Variants in CYP3A43 observed in about 807,000 individuals in gnomAD.
CYP3A43 encodes the protein cytochrome P450 3A43.
CYP3A43 carries 45 observed loss-of-function variants against 58.0 expected under a neutral mutation model. The ratio of observed to expected loss-of-function variants is 0.78; its 90% CI spans 0.61 to 0.99. The LOEUF (loss-of-function observed/expected upper bound fraction) is 0.99. Ranked by LOEUF, CYP3A43 falls within the 50% of genes least tolerant of loss-of-function variation. The pLI is 0.00. For missense variants in CYP3A43, 593 were observed against 591.9 expected (o/e 1.00, Z -0.02); for synonymous variants, 191 against 201.4 (o/e 0.95, Z 0.44).
chr7:99,839,131 T>C lies in CYP3A43; in HGVS notation c.177T>C (p.Asn59=), dbSNP rs1817219061. Residue 59 remains asparagine (N), a synonymous_variant, in exon 3 of 13, where the codon AAT becomes AAC. Coordinates refer to ENST00000354829, the MANE Select transcript of CYP3A43 (RefSeq NM_057095.3). ...GTTTCTTCTGCCAGGGTCTTTGGAA[T>C]TTTGACAGAGAATGTAATGAAAAAT... ...TILFYLRGLW[N]FDRECNEKYG... is the part of the protein sequence containing the mutation. 1 of 1,614,082 alleles carries C rather than the reference T, an allele frequency of 6.2e-7. No homozygotes were observed. The highest frequency in any genetic ancestry group is 8.5e-7 in the Non-Finnish European group (1 of 1,180,040).
At position 99,836,514 on chromosome 7, in the gene CYP3A43, C is replaced by G; in HGVS notation, c.133C>G (p.Pro45Ala). The G allele has an allele frequency of 6.2e-7, 1 of 1,603,252 alleles. No individual in the cohort carries two copies. The change falls in exon 2 of 13, where the codon CCT becomes GCT. Residue 45 changes from proline to alanine, a missense_variant. Pro to Ala is a conservative substitution (Grantham distance 27). Coordinates refer to ENST00000354829, the MANE Select transcript of CYP3A43 (RefSeq NM_057095.3). Reference protein sequence around the residue: ...KLGIPGPTPLPFLGTILFYLR... With the variant: ...KLGIPGPTPLAFLGTILFYLR... ...GGGAATTCCTGGGCCAACCCCTCTGCCTTTTCTGGGAACTATTTTGTTCTA... is the reference window on the plus strand; with the variant it reads ...GGGAATTCCTGGGCCAACCCCTCTGGCTTTTCTGGGAACTATTTTGTTCTA...
chr7:99,863,575 GA>G lies in CYP3A43; in HGVS notation c.1293del (p.Arg431SerfsTer15). On this transcript the variant is annotated frameshift_variant, in exon 12 of 13. Transcript: ENST00000354829. LOFTEE classifies it high-confidence loss of function. ...AACAAGGACAGCATAGATCTTTACA[GA>G]TACATACCTTTTGGAGCTGGACCCC... ...KKNKDSIDLY[R>X]YIPFGAGPRN... is the part of the protein sequence containing the mutation. 6.2e-7 allele frequency: 1 copy of G among 1,613,788 alleles called. No individual in the cohort carries two copies. Among genetic ancestry groups the G allele is most frequent in the Non-Finnish European group, 8.5e-7 (1 of 1,179,906 alleles).
At chr7:99,858,821 T>G (rs544175351) in intron 9 of CYP3A43, among the ~76,000 whole-genome samples, 4 of 152,000 alleles carry the variant, frequency 2.6e-5, no homozygotes, top group African/African-American at 9.7e-5. Flanking sequence ...GCCTCCCGAG[T>G]AGCTGGGACT....
Position 99,836,447 on chromosome 7 carries a change from T to C in CYP3A43, c.72-6T>C. On this transcript the variant is annotated splice_region_variant and splice_polypyrimidine_tract_variant and intron_variant, in intron 1 of 12. Coordinates refer to ENST00000354829, the MANE Select transcript of CYP3A43 (RefSeq NM_057095.3). ...CTGTAACCTGGCTTTCTCTTTTATT[T>C]TATAGTTATGGGACCCATTCACATA... The C allele has an allele frequency of 6.2e-7, 1 of 1,607,982 alleles. No homozygotes were observed.
chr7:99,865,928 T>C lies in CYP3A43; in HGVS notation c.1439T>C (p.Leu480Pro). The C allele has an allele frequency of 6.4e-7, 1 of 1,564,708 alleles. No individual in the cohort carries two copies. Among genetic ancestry groups the C allele is most frequent in the Non-Finnish European group, 8.5e-7 (1 of 1,172,278 alleles). ...CAGATCCCACTGAAATTAGACAATCTACCAATTCTTCAACCAGAAAAACCT... is the reference window on the plus strand; with the variant it reads ...CAGATCCCACTGAAATTAGACAATCCACCAATTCTTCAACCAGAAAAACCT... ...ETQIPLKLDN[L>P]PILQPEKPIV... The change falls in exon 13 of 13, where the codon CTA becomes CCA. Residue 480 changes from leucine to proline, a missense_variant. Transcript: ENST00000354829.
Position 99,839,295 on chromosome 7 carries a change from C to CA in CYP3A43, c.218+124dup, listed in dbSNP as rs113024513. The CA allele has an allele frequency of 5.3e-5, 60 of 1,139,908 alleles. No individual in the cohort carries two copies. The African/African-American group carries it at 7.7e-4, about 15-fold the overall frequency. The allele number at this position is 1,139,908 out of a possible 1,614,324, so 70.6% of individuals were successfully genotyped here. A position where few individuals can be genotyped will look rare whatever the true frequency, so the allele number is the denominator to read the frequency against. On this transcript the variant is annotated intron_variant, in intron 3 of 12. Coordinates refer to ENST00000354829, the MANE Select transcript of CYP3A43 (RefSeq NM_057095.3). ...TGCTATTGTCAACCTAAGTAACAAA[C>CA]AGAGAGAGGCTATCTAAAAGAAAAA...
chr7:99,862,828 A>G (rs1399262899), intron 11 of CYP3A43, among the ~76,000 whole-genome samples: 1 of 152,132 alleles, frequency 6.6e-6, no homozygotes, highest in Admixed American at 6.6e-5. Flanking sequence ...GCAAGTCAGA[A>G]TTGACCAATT....
intron 2 of CYP3A43, among the ~76,000 whole-genome samples, chr7:99,837,865 G>C (rs1236511533): frequency 6.6e-6 from 1 of 152,218 alleles, no homozygotes; most frequent in African/African-American, 2.4e-5. Context: ...CAGTAAGAAA[G>C]CCTGTGTACA....
intron 1 of CYP3A43, among the ~76,000 whole-genome samples, chr7:99,833,570 T>C (rs1037664029): frequency 1.3e-5 from 2 of 152,222 alleles, no homozygotes; most frequent in African/African-American, 4.8e-5. Context: ...TTTAAAAGAC[T>C]CCAGCTCTTT....
chr7:99,828,902 A>C (rs1816729379), intron 1 of CYP3A43, among the ~76,000 whole-genome samples: 1 of 152,216 alleles, frequency 6.6e-6, no homozygotes, highest in Admixed American at 6.5e-5. Context: ...ATTCACAGGA[A>C]AAGAGAAAAA....
intron 1 of CYP3A43, among the ~76,000 whole-genome samples, chr7:99,835,974 T>C (rs963915004): frequency 3.9e-5 from 6 of 152,192 alleles, no homozygotes; most frequent in African/African-American, 9.7e-5. Flanking sequence ...GAGATGGTAC[T>C]CTTAGCTTCG....
chr7:99,849,425 T>C (rs1817661333), intron 6 of CYP3A43, 121 bp from the exon 7 acceptor site: 1 of 1,150,468 alleles, frequency 8.7e-7, no homozygotes, highest in Non-Finnish European at 1.2e-6. Flanking sequence ...TGCAGCAGAT[T>C]GTTCTGATTG....
chr7:99,864,406 G>A lies in CYP3A43; in HGVS notation c.1416+707G>A, dbSNP rs866737351. ...TCAACCCAATAATAGCTCTATGAAT[G>A]TTCTTCTTTTCCTTCTCATTATGTT... is the stretch of plus-strand genomic sequence containing the variant. On this transcript the variant is annotated intron_variant, in intron 12 of 12. Coordinates refer to ENST00000354829, the MANE Select transcript of CYP3A43 (RefSeq NM_057095.3). Among the ~76,000 whole-genome samples, 21 of 148,518 alleles carry A rather than the reference G, an allele frequency of 1.4e-4. 3 individuals are homozygous for A. The highest frequency in any genetic ancestry group is 4.7e-4 in the African/African-American group (18 of 38,032).
In CYP3A43 at chr7:99,865,888, C is replaced by T; in HGVS notation, c.1417-18C>T. 2 of 1,493,864 alleles carry T rather than the reference C, an allele frequency of 1.3e-6. No individual in the cohort carries two copies. Among genetic ancestry groups the T allele is most frequent in the Non-Finnish European group, 9.0e-7 (1 of 1,116,854 alleles). 92.5% of individuals were successfully genotyped at this position (1,493,864 alleles called of 1,614,324 possible). A position where few individuals can be genotyped will look rare whatever the true frequency, so the allele number is the denominator to read the frequency against. ...ATTTGCTTCATTGTTTCTGAATATT[C>T]TTGTTTAACTTTTGCAGATCCCACT... On this transcript the variant is annotated intron_variant, in intron 12 of 12. Transcript: ENST00000354829.
intron 1 of CYP3A43, 113 bp downstream of exon 1, chr7:99,828,299 C>T (rs1816706015): frequency 1.4e-6 from 1 of 738,306 alleles, no homozygotes; most frequent in Non-Finnish European, 2.2e-6. Context: ...GGGGAAGTTA[C>T]CTAAGTGCCA....
chr7:99,831,548 C>G (rs1186479657), intron 1 of CYP3A43, among the ~76,000 whole-genome samples: 2 of 152,216 alleles, frequency 1.3e-5, no homozygotes, highest in Non-Finnish European at 2.9e-5. Flanking sequence ...CGGGATGCAG[C>G]CTCTCTTTTT....
intron 1 of CYP3A43, among the ~76,000 whole-genome samples, chr7:99,834,050 G>A (rs1563058555): frequency 6.6e-6 from 1 of 152,206 alleles, no homozygotes; most frequent in Non-Finnish European, 1.5e-5. Flanking sequence ...CATTATCATC[G>A]ATTTCTAAGC....
At position 99,855,728 on chromosome 7, in the gene CYP3A43, G is replaced by A; in HGVS notation, c.798+10G>A. On this transcript the variant is annotated intron_variant, in intron 8 of 12. Coordinates refer to ENST00000354829, the MANE Select transcript of CYP3A43 (RefSeq NM_057095.3). ...CAAAGATAAACAAAAGGTAAAATCT[G>A]GTGGTGGTGACATGAGAATGTTCAC... 6.3e-7 allele frequency: 1 copy of A among 1,599,662 alleles called. No individual in the cohort carries two copies. The highest frequency in any genetic ancestry group is 8.5e-7 in the Non-Finnish European group (1 of 1,173,090).
intron 1 of CYP3A43, among the ~76,000 whole-genome samples, chr7:99,834,557 A>G (rs946327155): frequency 2.6e-5 from 4 of 152,148 alleles, no homozygotes; most frequent in African/African-American, 9.7e-5. Flanking sequence ...CACAGGTCCA[A>G]TATAGGCCAG....
Sources: gnomAD v4.1 joint callset for allele counts (sites outside exome capture counted in the v4.1 genomes callset) on GRCh38, gnomAD v4.1.1 for gene constraint, MANE v1.5 for transcripts, NCBI Gene and HGNC (gene_info 2026-07-23, HGNC 2026-07-21) for gene names.